The following CFLAR variants were observed in gnomAD, a reference collection of about 807,000 sequenced individuals.
CFLAR encodes the protein CASP8 and FADD-like apoptosis regulator.
CFLAR carries 14 observed loss-of-function variants against 51.1 expected under a neutral mutation model. That is an observed-to-expected ratio of 0.27 (90% CI 0.18 to 0.43). The LOEUF (loss-of-function observed/expected upper bound fraction) is 0.43. Ranked by LOEUF, CFLAR falls within the 20% of genes least tolerant of loss-of-function variation. CFLAR has a pLI of 1.00. For synonymous variants in CFLAR, 210 were observed against 211.6 expected (o/e 0.99, Z 0.06); for missense variants, 390 against 566.5 (o/e 0.69, Z 3.16).
chr2:201,138,543 G>C lies in CFLAR; in HGVS notation c.524-1814G>C. ...CATCATCACCTCACTGAGGAGGGTGGTGTGGTCCTTCTCAGCAAGAAAGTC... is the reference window on the plus strand; with the variant it reads ...CATCATCACCTCACTGAGGAGGGTGCTGTGGTCCTTCTCAGCAAGAAAGTC... On this transcript the variant is annotated intron_variant, in intron 4 of 9. Transcript: ENST00000309955. The surrounding 1 kb of genome is among the most constrained non-coding windows in gnomAD (Gnocchi z 4.0). The C allele has an allele frequency of 1.3e-6, 2 of 1,580,922 alleles. No individual in the cohort carries two copies. Among genetic ancestry groups the C allele is most frequent in the Non-Finnish European group, 8.6e-7 (1 of 1,162,574 alleles).
intron 3 of CFLAR, among the ~76,000 whole-genome samples, chr2:201,134,121 C>T (rs2049744706): frequency 1.3e-5 from 2 of 150,622 alleles, no homozygotes; most frequent in Non-Finnish European, 3.0e-5. Context: ...CCAACCTGGC[C>T]AACCTGGTGA....
chr2:201,151,140 G>A (rs1382298130), intron 8 of CFLAR: 2 of 152,184 alleles, frequency 1.3e-5, no homozygotes, highest in Non-Finnish European at 2.9e-5. Context: ...CAGTTCTGCT[G>A]TCCTTTGCTT....
chr2:201,155,279 T>C (rs1333962917), intron 8 of CFLAR, among the ~76,000 whole-genome samples: 1 of 152,152 alleles, frequency 6.6e-6, no homozygotes, highest in African/African-American at 2.4e-5. Flanking sequence ...TTTTTTTTTT[T>C]TGAGACAGAG....
chr2:201,140,614 A>G (rs1456340329), intron 5 of CFLAR, 175 bp downstream of exon 5: 9 of 554,958 alleles, frequency 1.6e-5, no homozygotes, highest in Non-Finnish European at 2.5e-5. Context: ...ATACATGTTC[A>G]TTGAGATATT....
intron 1 of CFLAR, chr2:201,122,721 AT>A (rs1250972030): frequency 6.6e-6 from 1 of 152,274 alleles, no homozygotes; most frequent in African/African-American, 2.4e-5. Context: ...TAGAAGAGAC[AT>A]CTTGAGAGAG....
At chr2:201,139,956 C>T (rs1938164610) in intron 4 of CFLAR, 2 of 208,260 alleles carry the variant, frequency 9.6e-6, no homozygotes, top group Non-Finnish European at 2.0e-5. Flanking sequence ...GGAGGGGCAA[C>T]CCACCCCTTC....
chr2:201,158,380 A>C (rs918418997), intron 8 of CFLAR, among the ~76,000 whole-genome samples: 1 of 152,310 alleles, frequency 6.6e-6, no homozygotes, highest in Non-Finnish European at 1.5e-5. Flanking sequence ...GGGCAGGGAG[A>C]ATGTGGTGAA....
At position 201,138,806 on chromosome 2, in the gene CFLAR, C is replaced by T; in HGVS notation, c.524-1551C>T. ...GGTGAATGAAACCAGTACCTCCCAT[C>T]AGAGCCATCACGATGGCCAGGTCGG... is the stretch of plus-strand genomic sequence containing the variant. On this transcript the variant is annotated intron_variant, in intron 4 of 9. Transcript: ENST00000309955. The surrounding 1 kb of genome is among the most constrained non-coding windows in gnomAD (Gnocchi z 4.0). 9 of 757,520 alleles carry T rather than the reference C, an allele frequency of 1.2e-5. No homozygotes were observed. Among genetic ancestry groups the T allele is most frequent in the South Asian group, 9.4e-5 (7 of 74,446 alleles). 46.9% of individuals were successfully genotyped at this position (757,520 alleles called of 1,614,324 possible).
chr2:201,138,690 G>A lies in CFLAR; in HGVS notation c.524-1667G>A, dbSNP rs929683002. On this transcript the variant is annotated intron_variant, in intron 4 of 9. Coordinates refer to ENST00000309955, the MANE Select transcript of CFLAR (RefSeq NM_003879.7). The surrounding 1 kb of genome is among the most constrained non-coding windows in gnomAD (Gnocchi z 4.0). ...CAACACATCACCCACAGTGTGCAAGGGGCTCAGCACCACGGGGTGTGTGAT... is the reference window on the plus strand; with the variant it reads ...CAACACATCACCCACAGTGTGCAAGAGGCTCAGCACCACGGGGTGTGTGAT... 18 of 877,086 alleles carry A rather than the reference G, an allele frequency of 2.1e-5. No individual in the cohort carries two copies. In the Admixed American group the frequency reaches 3.1e-4, roughly 15 times the overall value. 54.3% of individuals were successfully genotyped at this position (877,086 alleles called of 1,614,324 possible). A position where few individuals can be genotyped will look rare whatever the true frequency, so the allele number is the denominator to read the frequency against.
intron 6 of CFLAR, among the ~76,000 whole-genome samples, chr2:201,146,023 G>T (rs1575794888): frequency 6.6e-6 from 1 of 152,042 alleles, no homozygotes; most frequent in East Asian, 1.9e-4. Context: ...CCGGAGTGCA[G>T]TGGTACACTT....
At chr2:201,149,317 G>T in intron 7 of CFLAR, 1 of 361,626 alleles carries the variant, frequency 2.8e-6, no homozygotes, top group East Asian at 5.2e-5. Flanking sequence ...ATATTAGTCA[G>T]CAGTGATACT....
intron 8 of CFLAR, among the ~76,000 whole-genome samples, chr2:201,156,376 GTTTT>G (rs1942183658): frequency 6.6e-6 from 1 of 152,128 alleles, no homozygotes; most frequent in Non-Finnish European, 1.5e-5. Context: ...CACTAAGAAT[GTTTT>G]GCCCATCTTA....
intron 8 of CFLAR, among the ~76,000 whole-genome samples, chr2:201,157,380 A>G (rs1335188314): frequency 1.3e-5 from 2 of 152,114 alleles, no homozygotes; most frequent in East Asian, 1.9e-4. Flanking sequence ...AGCTCAAGCA[A>G]TCCACCCGCC....
At chr2:201,161,854 C>T (rs2125937073) in intron 9 of CFLAR, among the ~76,000 whole-genome samples, 1 of 146,336 alleles carries the variant, frequency 6.8e-6, no homozygotes, top group East Asian at 2.1e-4. Flanking sequence ...TCCAGTGATT[C>T]TCCTGCCTCA....
chr2:201,176,330 C>A lies in CFLAR; in HGVS notation c.*12357C>A, dbSNP rs1944172192. 1 of 149,540 alleles carries A rather than the reference C, an allele frequency of 6.7e-6. No homozygotes were observed. Among genetic ancestry groups the A allele is most frequent in the Non-Finnish European group, 1.5e-5 (1 of 67,968 alleles). The allele number at this position is 149,540 out of a possible 1,614,324, so 9.3% of individuals were successfully genotyped here. The stretch of plus-strand genomic sequence containing the variant: ...GCCTGTCCCTGGCACCACCTGTGAC[C>A]AATTATTACTTTACAGAAACATTTA... On this transcript the variant is annotated 3_prime_UTR_variant, in exon 10 of 10. Coordinates refer to ENST00000309955, the MANE Select transcript of CFLAR (RefSeq NM_003879.7).
intron 2 of CFLAR, among the ~76,000 whole-genome samples, chr2:201,130,988 C>G (rs2125672712): frequency 6.6e-6 from 1 of 152,320 alleles, no homozygotes; most frequent in East Asian, 1.9e-4. Context: ...AGGGTGGGCT[C>G]CCTTCCTGCA....
chr2:201,119,336 G>A (rs1429407967), intron 1 of CFLAR, among the ~76,000 whole-genome samples: 2 of 152,190 alleles, frequency 1.3e-5, no homozygotes, highest in African/African-American at 4.8e-5. Context: ...AGACTCAGCA[G>A]TTACCTACAC....
chr2:201,140,763 A>G lies in CFLAR; in HGVS notation c.606+324A>G, dbSNP rs761380243. 165 of 96,804 alleles carry G rather than the reference A, an allele frequency of 1.7e-3. 1 individual carries two copies. The highest frequency in any genetic ancestry group is 3.1e-3 in the Non-Finnish European group (145 of 46,980). The allele number at this position is 96,804 out of a possible 1,614,324, so 6.0% of individuals were successfully genotyped here. ...TGCATCTGTATCTGTATGTATGTAT[A>G]TATATATATATATACATACATACAT... On this transcript the variant is annotated intron_variant, in intron 5 of 9. Transcript: ENST00000309955.
At chr2:201,152,496 A>G (rs1258333654) in intron 8 of CFLAR, among the ~76,000 whole-genome samples, 2 of 152,152 alleles carry the variant, frequency 1.3e-5, no homozygotes, top group East Asian at 3.8e-4. Context: ...CTAGATGCCA[A>G]CTAGCATTAT....
Sources: allele counts gnomAD v4.1 joint callset (sites outside exome capture counted in the v4.1 genomes callset), GRCh38; gene constraint gnomAD v4.1.1; non-coding constraint Gnocchi (gnomAD v3.1); transcripts MANE v1.5; gene names NCBI Gene and HGNC (gene_info 2026-07-23, HGNC 2026-07-21).